C8orf34: variants seen among roughly 807,000 people sequenced by gnomAD.
C8orf34 encodes the protein chromosome 8 open reading frame 34.
Under a neutral mutation model 68.3 loss-of-function variants are expected in C8orf34, and 65 were observed. That is an observed-to-expected ratio of 0.95 (90% CI 0.78 to 1.17). The LOEUF is 1.17. Ranked by LOEUF, C8orf34 falls within the 50% of genes most tolerant of loss-of-function variation. C8orf34 has a pLI of 0.00. For synonymous variants in C8orf34, 244 were observed against 241.2 expected (o/e 1.01, Z -0.11); for missense variants, 664 against 655.4 (o/e 1.01, Z -0.14).
intron 7 of C8orf34, among the ~76,000 whole-genome samples, chr8:68,606,200 A>G (rs755280873): frequency 2.0e-4 from 30 of 152,144 alleles, no homozygotes; most frequent in Non-Finnish European, 3.4e-4. Flanking sequence ...ATTAAGAAAA[A>G]TCTAGGAAGC....
chr8:68,799,455 A>T (rs1354548733), intron 12 of C8orf34, among the ~76,000 whole-genome samples: 2 of 152,216 alleles, frequency 1.3e-5, no homozygotes, highest in African/African-American at 4.8e-5. Flanking sequence ...GAACTTGAGC[A>T]TATTCATACC....
intron 1 of C8orf34, among the ~76,000 whole-genome samples, chr8:68,345,111 AATT>A: frequency 6.6e-6 from 1 of 152,084 alleles, no homozygotes. Context: ...AAATGTATTA[AATT>A]ATTTTATCAA....
chr8:68,566,037 T>C (rs562049025), intron 7 of C8orf34, among the ~76,000 whole-genome samples: 49 of 152,350 alleles, frequency 3.2e-4, no homozygotes, highest in Admixed American at 9.2e-4. Flanking sequence ...TTGTAAAGCC[T>C]GGCTTTTGAT....
intron 12 of C8orf34, among the ~76,000 whole-genome samples, chr8:68,809,207 G>A (rs1394431790): frequency 6.6e-6 from 1 of 152,096 alleles, no homozygotes; most frequent in Non-Finnish European, 1.5e-5. Flanking sequence ...AAAGGCAAAT[G>A]CTCTCCTCTA....
intron 3 of C8orf34, among the ~76,000 whole-genome samples, chr8:68,460,625 T>C (rs1244414880): frequency 6.6e-6 from 1 of 152,174 alleles, no homozygotes; most frequent in African/African-American, 2.4e-5. Context: ...CAGCAGCATT[T>C]GCAGTTCATG....
chr8:68,519,571 TCATTC>T (rs1228855735), intron 5 of C8orf34, among the ~76,000 whole-genome samples: 11,709 of 152,246 alleles, frequency 0.077, 1,516 homozygotes, highest in African/African-American at 0.27. Flanking sequence ...TGAAAACATT[TCATTC>T]AATATAACCC....
At chr8:68,439,388 G>A (rs1298091764) in intron 1 of C8orf34, 111 bp from the exon 2 acceptor site, 16 of 885,348 alleles carry the variant, frequency 1.8e-5, no homozygotes, top group Non-Finnish European at 2.7e-5. Context: ...GTTAGTTGCT[G>A]TATATAAAGC....
At chr8:68,616,530 C>T (rs1386580699) in intron 7 of C8orf34, among the ~76,000 whole-genome samples, 2 of 152,168 alleles carry the variant, frequency 1.3e-5, no homozygotes, top group Non-Finnish European at 2.9e-5. Context: ...TTTATTTCTG[C>T]CTTCATTTCG....
At chr8:68,682,410 G>T (rs564011507) in intron 8 of C8orf34, among the ~76,000 whole-genome samples, 13 of 152,148 alleles carry the variant, frequency 8.5e-5, no homozygotes, top group African/African-American at 2.9e-4. Flanking sequence ...ATTTAGATTG[G>T]TGCCTTCTCC....
At chr8:68,779,898 A>G (rs1191152644) in intron 11 of C8orf34, among the ~76,000 whole-genome samples, 1 of 152,190 alleles carries the variant, frequency 6.6e-6, no homozygotes, top group Non-Finnish European at 1.5e-5. Flanking sequence ...AAGAACAGAA[A>G]CATGCTAAAT....
intron 1 of C8orf34, among the ~76,000 whole-genome samples, chr8:68,380,014 C>G (rs555080589): frequency 6.6e-6 from 1 of 152,054 alleles, no homozygotes; most frequent in African/African-American, 2.4e-5. Flanking sequence ...CACTACACCC[C>G]CCTTCTAATT....
intron 10 of C8orf34, among the ~76,000 whole-genome samples, chr8:68,770,000 G>A (rs2129528323): frequency 6.6e-6 from 1 of 152,248 alleles, no homozygotes; most frequent in Middle Eastern, 3.4e-3. Flanking sequence ...CAAGGAAGAA[G>A]TTCCCAAGTA....
At chr8:68,575,959 T>G (rs868400212) in intron 7 of C8orf34, among the ~76,000 whole-genome samples, 25,391 of 134,254 alleles carry the variant, frequency 0.19, 3,065 homozygotes, top group African/African-American at 0.41. Context: ...GATGGTTGTT[T>G]TTTTTTTTTT....
At chr8:68,556,956 A>T (rs2130119640) in intron 7 of C8orf34, among the ~76,000 whole-genome samples, 1 of 152,332 alleles carries the variant, frequency 6.6e-6, no homozygotes, top group African/African-American at 2.4e-5. Context: ...TGCTTATAAT[A>T]AATTTTTTTA....
intron 1 of C8orf34, among the ~76,000 whole-genome samples, chr8:68,397,102 G>T (rs752799218): frequency 6.6e-6 from 1 of 151,930 alleles, no homozygotes; most frequent in African/African-American, 2.4e-5. Context: ...CATCTCCCAA[G>T]TTCAAGCAAT....
chr8:68,512,889 A>C (rs1014692417), intron 5 of C8orf34, among the ~76,000 whole-genome samples: 39 of 151,770 alleles, frequency 2.6e-4, no homozygotes, highest in African/African-American at 7.5e-4. Flanking sequence ...TGTAACTCCT[A>C]GCAATTTCTC....
At chr8:68,716,058 C>T (rs1821462952) in intron 9 of C8orf34, among the ~76,000 whole-genome samples, 1 of 151,850 alleles carries the variant, frequency 6.6e-6, no homozygotes, top group Non-Finnish European at 1.5e-5. Flanking sequence ...AGGAGAGTAA[C>T]TCAGGAATGG....
At chr8:68,678,183 T>C (rs1273405987) in intron 8 of C8orf34, among the ~76,000 whole-genome samples, 1 of 151,498 alleles carries the variant, frequency 6.6e-6, no homozygotes, top group African/African-American at 2.4e-5. Context: ...TTCTAAAAAA[T>C]AGACGATGGA....
rs1585652299 is a variant in C8orf34, at chr8:68,637,045, A to C, written c.1106-3331A>C. On this transcript the variant is annotated intron_variant, in intron 7 of 13. Transcript: ENST00000518698. ...GTAGCCTTTTGTCAAGCTGACATGT[A>C]GACTTTTCTACCTTACCTGTTTCAC... Among the ~76,000 whole-genome samples the C allele has an allele frequency of 2.6e-5, 4 of 152,214 alleles. No homozygotes were observed. The South Asian group carries it at 8.3e-4, about 31-fold the overall frequency.
Sources: gnomAD v4.1 joint callset for allele counts (sites outside exome capture counted in the v4.1 genomes callset) on GRCh38, gnomAD v4.1.1 for gene constraint, MANE v1.5 for transcripts, NCBI Gene and HGNC (gene_info 2026-07-23, HGNC 2026-07-21) for gene names.